Variants in TBC1D22A observed in about 807,000 individuals in gnomAD.
TBC1D22A encodes the protein TBC1 domain family member 22A, also known as putative GTPase activator.
In TBC1D22A, 38 loss-of-function variants were observed where a neutral mutation model predicts 60.2. The ratio of observed to expected loss-of-function variants is 0.63; its 90% CI spans 0.49 to 0.83. The LOEUF is 0.83. Ranked by LOEUF, TBC1D22A falls within the 40% of genes least tolerant of loss-of-function variation. TBC1D22A has a pLI of 0.00. For synonymous variants in TBC1D22A, 302 were observed against 281.7 expected (o/e 1.07, Z -0.72); for missense variants, 628 against 701.0 (o/e 0.90, Z 1.18).
chr22:46,920,117 A>G (rs780394934), intron 8 of TBC1D22A, among the ~76,000 whole-genome samples: 13 of 149,528 alleles, frequency 8.7e-5, no homozygotes, highest in Admixed American at 7.3e-4. Context: ...GTGTTGCTCT[A>G]TTGCCTAGGC....
At chr22:46,964,804 G>A (rs1357820707) in intron 8 of TBC1D22A, among the ~76,000 whole-genome samples, 1 of 152,202 alleles carries the variant, frequency 6.6e-6, no homozygotes, top group Non-Finnish European at 1.5e-5. Context: ...CTGAGGGGTC[G>A]AGTTGCCAAC....
intron 4 of TBC1D22A, among the ~76,000 whole-genome samples, chr22:46,854,558 T>C (rs1392350760): frequency 6.6e-6 from 1 of 152,180 alleles, no homozygotes; most frequent in Non-Finnish European, 1.5e-5. Flanking sequence ...TCTTGTTGTT[T>C]CCGGATGTTC....
In TBC1D22A at chr22:46,789,746, G is replaced by A. The variant is rs557616041; in HGVS notation, c.63-2774G>A. Among the ~76,000 whole-genome samples the A allele has an allele frequency of 1.1e-4, 16 of 152,220 alleles. No homozygotes were observed. The South Asian group carries it at 3.3e-3, about 32-fold the overall frequency. On this transcript the variant is annotated intron_variant, in intron 1 of 12. Transcript: ENST00000337137. Reference sequence around the variant, plus strand: ...TCTCAAAGCAGTGGGTGAAAGGAGAGGTTACTGAATAAATGACATTTGAAC... The same window carrying A: ...TCTCAAAGCAGTGGGTGAAAGGAGAAGTTACTGAATAAATGACATTTGAAC...
chr22:46,852,406 A>T (rs779541980), intron 4 of TBC1D22A, among the ~76,000 whole-genome samples: 8 of 152,154 alleles, frequency 5.3e-5, no homozygotes, highest in Non-Finnish European at 1.2e-4. Context: ...CACCATTCAC[A>T]TGCTGATCCC....
At chr22:46,976,175 T>C (rs1468632490) in intron 9 of TBC1D22A, among the ~76,000 whole-genome samples, 1 of 152,248 alleles carries the variant, frequency 6.6e-6, no homozygotes, top group African/African-American at 2.4e-5. Flanking sequence ...CCTCTATTTG[T>C]AAATAAAATC....
intron 11 of TBC1D22A, among the ~76,000 whole-genome samples, chr22:47,094,224 A>G (rs567066274): frequency 6.6e-6 from 1 of 152,378 alleles, no homozygotes; most frequent in South Asian, 2.1e-4. Context: ...GAACTCAGAT[A>G]AAACAAATGT....
At chr22:47,058,963 C>T (rs1214310609) in intron 11 of TBC1D22A, among the ~76,000 whole-genome samples, 1 of 152,180 alleles carries the variant, frequency 6.6e-6, no homozygotes, top group East Asian at 1.9e-4. Context: ...GAAGAAGGAC[C>T]AGTCATCATC....
At chr22:47,132,772 A>G (rs756331730) in intron 12 of TBC1D22A, among the ~76,000 whole-genome samples, 6 of 152,184 alleles carry the variant, frequency 3.9e-5, no homozygotes, top group Admixed American at 2.0e-4. Context: ...CTGCTCCCAC[A>G]TCACGTTGGC....
intron 11 of TBC1D22A, among the ~76,000 whole-genome samples, chr22:47,085,934 G>C (rs1443318942): frequency 6.6e-6 from 1 of 152,190 alleles, no homozygotes; most frequent in Non-Finnish European, 1.5e-5. Flanking sequence ...ACGTACATGT[G>C]CACTGATGAA....
intron 10 of TBC1D22A, among the ~76,000 whole-genome samples, chr22:47,015,319 G>A (rs989701285): frequency 6.6e-5 from 10 of 152,214 alleles, no homozygotes; most frequent in African/African-American, 2.4e-5. Context: ...TAAGCTGCCT[G>A]GGGAGGGCGG....
Position 46,793,680 on chromosome 22 carries a change from G to A in TBC1D22A, c.299G>A (p.Arg100His), listed in dbSNP as rs370656255. The change falls in exon 3 of 13, where the codon CGT becomes CAT. Residue 100 changes from arginine (R) to histidine (H), a missense_variant. Coordinates refer to ENST00000337137, the MANE Select transcript of TBC1D22A (RefSeq NM_014346.5). ...NSEVVMETAN[R>H]VLRNHSQRQG... ...GAGGTGGTCATGGAGACGGCCAACC[G>A]TGTGCTGCGTAACCACAGCCAGCGG... is the stretch of plus-strand genomic sequence containing the variant. The A allele has an allele frequency of 1.7e-5, 27 of 1,612,960 alleles. No individual in the cohort carries two copies. The highest frequency in any genetic ancestry group is 4.4e-5 in the South Asian group (4 of 91,060).
At chr22:46,829,833 C>G (rs901607700) in intron 4 of TBC1D22A, among the ~76,000 whole-genome samples, 3 of 152,110 alleles carry the variant, frequency 2.0e-5, no homozygotes, top group African/African-American at 7.2e-5. Flanking sequence ...GTTTGGAGTT[C>G]AGTGCCGCGT....
At position 47,074,362 on chromosome 22, in the gene TBC1D22A, A is replaced by G. The variant is rs561626465; in HGVS notation, c.1330-37146A>G. ...TCAACACATCTATTAAGGGGAAAGGACTGCTCGGTATCAATGATTTCCACT... is the reference window on the plus strand; with the variant it reads ...TCAACACATCTATTAAGGGGAAAGGGCTGCTCGGTATCAATGATTTCCACT... On this transcript the variant is annotated intron_variant, in intron 11 of 12. Coordinates refer to ENST00000337137, the MANE Select transcript of TBC1D22A (RefSeq NM_014346.5). 3.9e-5 allele frequency among the ~76,000 whole-genome samples: 6 copies of G among 152,358 alleles called. No homozygotes were observed. The South Asian group carries it at 1.2e-3, about 32-fold the overall frequency.
chr22:47,147,125 A>G (rs1305258023), intron 12 of TBC1D22A, among the ~76,000 whole-genome samples: 1 of 152,210 alleles, frequency 6.6e-6, no homozygotes, highest in Non-Finnish European at 1.5e-5. Flanking sequence ...CAGCGGCTCC[A>G]GCCAGGTCAG....
chr22:46,966,885 G>C (rs1392911151), intron 8 of TBC1D22A, among the ~76,000 whole-genome samples: 1 of 152,178 alleles, frequency 6.6e-6, no homozygotes, highest in Non-Finnish European at 1.5e-5. Flanking sequence ...CGGGTGGTGG[G>C]ATGGGAAACA....
At chr22:47,049,346 G>A (rs910220952) in intron 11 of TBC1D22A, among the ~76,000 whole-genome samples, 3 of 152,358 alleles carry the variant, frequency 2.0e-5, no homozygotes, top group African/African-American at 7.2e-5. Context: ...GGGCATGGGC[G>A]CTGGGTTCAC....
chr22:47,045,799 C>G lies in TBC1D22A; in HGVS notation c.1329+8601C>G, dbSNP rs944657592. Among the ~76,000 whole-genome samples the G allele has an allele frequency of 8.5e-5, 13 of 152,304 alleles. No individual in the cohort carries two copies. In the East Asian group the frequency reaches 2.3e-3, roughly 27 times the overall value. On this transcript the variant is annotated intron_variant, in intron 11 of 12. Coordinates refer to ENST00000337137, the MANE Select transcript of TBC1D22A (RefSeq NM_014346.5). ...TGTGAGTGGACCAGTTACTGCTGTT[C>G]ACCCAGGAAGCTGCTGCTGTACGGA...
At chr22:47,097,104 G>A (rs1399535188) in intron 11 of TBC1D22A, among the ~76,000 whole-genome samples, 5 of 152,126 alleles carry the variant, frequency 3.3e-5, no homozygotes, top group Admixed American at 6.5e-5. Flanking sequence ...GCGTGGCCCC[G>A]TGTCCTCTGT....
intron 11 of TBC1D22A, among the ~76,000 whole-genome samples, chr22:47,108,897 G>A (rs1370410057): frequency 1.3e-5 from 2 of 152,094 alleles, no homozygotes; most frequent in African/African-American, 4.8e-5. Context: ...GGGTTTCACC[G>A]TGTTAGCCAG....
Sources: gnomAD v4.1 joint callset for allele counts (sites outside exome capture counted in the v4.1 genomes callset) on GRCh38, gnomAD v4.1.1 for gene constraint, MANE v1.5 for transcripts, NCBI Gene and HGNC (gene_info 2026-07-23, HGNC 2026-07-21) for gene names.